The following MTR variants were observed in gnomAD, a reference collection of about 807,000 sequenced individuals.
MTR encodes the protein 5-methyltetrahydrofolate-homocysteine methyltransferase.
In MTR, 84 loss-of-function variants were observed where a neutral mutation model predicts 154.8. The ratio of observed to expected loss-of-function variants is 0.54; its 90% CI spans 0.45 to 0.65. The LOEUF (loss-of-function observed/expected upper bound fraction) is 0.65. MTR is among the 30% of genes least tolerant of loss of function. MTR has a pLI of 0.00. For missense variants in MTR, 1,275 were observed against 1,570.2 expected, an observed-to-expected ratio of 0.81 and a Z score of 3.18; for synonymous variants, 554 against 553.9, an observed-to-expected ratio of 1.00 and a Z score of 0.00.
rs1044267117 is a variant in MTR, at chr1:236,817,037, A to G, written c.764+494A>G. On this transcript the variant is annotated intron_variant, in intron 8 of 32. Transcript: ENST00000366577. ...GCTGTAGTATACTATGATAGCTCCT[A>G]TGAATAACCACTGTATTTCAGCTTG... Among the ~76,000 whole-genome samples the G allele has an allele frequency of 1.1e-4, 16 of 152,324 alleles. No homozygotes were observed. The East Asian group carries it at 2.9e-3, about 28-fold the overall frequency.
chr1:236,808,248 A>G (rs1432941588), intron 3 of MTR, among the ~76,000 whole-genome samples: 3 of 152,146 alleles, frequency 2.0e-5, no homozygotes, highest in African/African-American at 7.2e-5. Context: ...AAAGTTCAGA[A>G]TTACTGATCC....
intron 22 of MTR, among the ~76,000 whole-genome samples, chr1:236,863,999 G>C (rs1664696120): frequency 6.6e-6 from 1 of 152,064 alleles, no homozygotes; most frequent in Admixed American, 6.6e-5. Flanking sequence ...ACAAGTCTCA[G>C]TTGGCTTTGC....
chr1:236,801,103 G>A (rs551664400), intron 1 of MTR, among the ~76,000 whole-genome samples: 1 of 152,080 alleles, frequency 6.6e-6, no homozygotes, highest in Admixed American at 6.6e-5. Context: ...TTGAAATGGC[G>A]CCCACTGCCT....
intron 22 of MTR, among the ~76,000 whole-genome samples, chr1:236,868,268 C>G (rs552702749): frequency 6.6e-6 from 1 of 152,258 alleles, no homozygotes; most frequent in Admixed American, 6.5e-5. Context: ...CCCAGATGAT[C>G]ATTAGCATTT....
chr1:236,889,054 C>A, intron 27 of MTR, 127 bp from the exon 28 acceptor site: 1 of 1,149,660 alleles, frequency 8.7e-7, no homozygotes, highest in African/African-American at 1.5e-5. Flanking sequence ...CTTTGTAAAA[C>A]AACTCCTACG....
At chr1:236,868,632 G>A (rs748748821) in intron 22 of MTR, among the ~76,000 whole-genome samples, 1 of 152,148 alleles carries the variant, frequency 6.6e-6, no homozygotes, top group Non-Finnish European at 1.5e-5. Context: ...AATGCACAGT[G>A]TTTAATTATG....
chr1:236,805,997 G>T, intron 2 of MTR, 147 bp from the exon 3 acceptor site: 4 of 700,596 alleles, frequency 5.7e-6, no homozygotes, highest in Admixed American at 2.3e-5. Context: ...ACACCTTTTT[G>T]CATCTCTACC....
chr1:236,894,760 AAAG>A (rs767633223), intron 30 of MTR: 60 of 609,734 alleles, frequency 9.8e-5, no homozygotes, highest in Non-Finnish European at 1.6e-4. Context: ...TCTTTGAGGC[AAAG>A]AAAAACCTTG....
intron 7 of MTR, 28 bp from the exon 8 acceptor site, chr1:236,816,421 G>A: frequency 6.3e-7 from 1 of 1,590,564 alleles, no homozygotes; most frequent in Non-Finnish European, 8.6e-7. Context: ...AGTCTGTATT[G>A]TTGACTTTGT....
chr1:236,879,190 G>C (rs1056692588), intron 24 of MTR, among the ~76,000 whole-genome samples: 1 of 152,180 alleles, frequency 6.6e-6, no homozygotes, highest in Non-Finnish European at 1.5e-5. Context: ...GGAATGTAAA[G>C]TACAATTGAA....
chr1:236,806,088 C>A, intron 2 of MTR, 56 bp from the exon 3 acceptor site: 1 of 1,441,078 alleles, frequency 6.9e-7, no homozygotes, highest in Non-Finnish European at 9.8e-7. Context: ...CATGTTTATT[C>A]TGGGGGCACA....
intron 6 of MTR, among the ~76,000 whole-genome samples, chr1:236,814,395 G>A (rs554734056): frequency 6.6e-6 from 1 of 152,286 alleles, no homozygotes; most frequent in Admixed American, 6.5e-5. Context: ...TAACAGGAGG[G>A]TTAAGCATTA....
At chr1:236,808,515 T>C (rs1159101574) in intron 3 of MTR, among the ~76,000 whole-genome samples, 189 bp from the exon 4 acceptor site, 1 of 152,254 alleles carries the variant, frequency 6.6e-6, no homozygotes, top group Admixed American at 6.5e-5. Context: ...CCAAGGACTC[T>C]TGTCTTTCCT....
chr1:236,867,755 T>C (rs112395946), intron 22 of MTR, among the ~76,000 whole-genome samples: 2 of 152,178 alleles, frequency 1.3e-5, no homozygotes, highest in African/African-American at 4.8e-5. Context: ...GATTCAAGAC[T>C]TCAGTGGAGG....
chr1:236,857,655 C>T (rs1319848795), intron 18 of MTR, among the ~76,000 whole-genome samples: 1 of 152,212 alleles, frequency 6.6e-6, no homozygotes, highest in Admixed American at 6.5e-5. Context: ...GAGGATCTAA[C>T]TAGTAAGAGA....
intron 25 of MTR, among the ~76,000 whole-genome samples, chr1:236,881,304 T>C (rs1263738893): frequency 6.6e-6 from 1 of 152,192 alleles, no homozygotes; most frequent in East Asian, 1.9e-4. Context: ...TCTGTGAACA[T>C]CATAAACAAT....
intron 2 of MTR, among the ~76,000 whole-genome samples, chr1:236,804,615 C>G (rs1660874549): frequency 6.6e-6 from 1 of 151,966 alleles, no homozygotes; most frequent in Non-Finnish European, 1.5e-5. Context: ...TCTCCTTATT[C>G]CTAGGCATTA....
intron 22 of MTR, among the ~76,000 whole-genome samples, chr1:236,871,323 C>T (rs1188760652): frequency 8.7e-6 from 1 of 115,202 alleles, no homozygotes; most frequent in Non-Finnish European, 1.8e-5. Context: ...CTGAACTTAT[C>T]ACCCACAACT....
chr1:236,852,440 C>G (rs1663963314), intron 16 of MTR, 81 bp from the exon 17 acceptor site: 1 of 1,000,694 alleles, frequency 1.0e-6, no homozygotes, highest in East Asian at 2.4e-5. Flanking sequence ...TTTCTTTCCA[C>G]TCCTATATAA....
Sources: allele counts gnomAD v4.1 joint callset (sites outside exome capture counted in the v4.1 genomes callset), GRCh38; gene constraint gnomAD v4.1.1; transcripts MANE v1.5; gene names NCBI Gene and HGNC (gene_info 2026-07-23, HGNC 2026-07-21).